The following SMU1 variants were observed in gnomAD, a reference collection of about 807,000 sequenced individuals.
SMU1 encodes the protein WD40 repeat-containing protein SMU1.
Under a neutral mutation model 62.0 loss-of-function variants are expected in SMU1, and 2 were observed. The observed-to-expected ratio is 0.03, with a 90% CI of 0.01 to 0.10. The LOEUF is 0.10. SMU1 is among the 10% of genes least tolerant of loss of function. The probability of loss-of-function intolerance (pLI) is 1.00; values close to 1 mark genes in which losing one functional copy is unlikely to be tolerated. For synonymous variants in SMU1, 188 were observed against 212.4 expected, an observed-to-expected ratio of 0.89 and a Z score of 1.00; for missense variants, 227 against 622.1, an observed-to-expected ratio of 0.36 and a Z score of 6.76.
At position 33,041,925 on chromosome 9, in the gene SMU1, C is replaced by T. The variant is rs1839130317; in HGVS notation, c.*5368G>A. ...CAAATGCATTGAGGCAGAAACAGTA[C>T]CAAAGGCTGAGGGGAAGGGAAGGAG... On this transcript the variant is annotated 3_prime_UTR_variant, in exon 12 of 12. Coordinates refer to ENST00000397149, the MANE Select transcript of SMU1 (RefSeq NM_018225.3). 1 of 152,036 alleles carries T rather than the reference C, an allele frequency of 6.6e-6. No homozygotes were observed. The allele number at this position is 152,036 out of a possible 1,614,324, so 9.4% of individuals were successfully genotyped here.
At chr9:33,053,360 A>G (rs1006014856) in intron 9 of SMU1, 70 bp from the exon 10 acceptor site, 2 of 1,407,544 alleles carry the variant, frequency 1.4e-6, no homozygotes, top group African/African-American at 2.9e-5. Context: ...AGGGTTTAAA[A>G]TATTAACAGT....
intron 4 of SMU1, among the ~76,000 whole-genome samples, chr9:33,064,620 T>C (rs906490265): frequency 1.3e-5 from 2 of 152,232 alleles, no homozygotes; most frequent in African/African-American, 4.8e-5. Flanking sequence ...TTGCAACAGA[T>C]GTTCTTGTGT....
chr9:33,065,448 T>C (rs1839408858), intron 4 of SMU1, among the ~76,000 whole-genome samples: 1 of 151,866 alleles, frequency 6.6e-6, no homozygotes, highest in African/African-American at 2.4e-5. Flanking sequence ...AATTAAGGAA[T>C]AAAAAAGATA....
rs139504453 is a variant in SMU1 at position 33,065,545 on chromosome 9, G to A, written c.501+3279C>T. Among the ~76,000 whole-genome samples the A allele has an allele frequency of 6.9e-3, 1,055 of 152,208 alleles. 12 individuals are homozygous for A. The highest frequency in any genetic ancestry group is 0.034 in the Middle Eastern group (10 of 294). On this transcript the variant is annotated intron_variant, in intron 4 of 11. Coordinates refer to ENST00000397149, the MANE Select transcript of SMU1 (RefSeq NM_018225.3). The stretch of plus-strand genomic sequence containing the variant: ...GAAGGTGAAAAGTGAATGGACTAGT[G>A]GAAACCAAAAACAGAGAAAACCGAA...
intron 9 of SMU1, among the ~76,000 whole-genome samples, chr9:33,055,840 G>A (rs373286114): frequency 3.4e-4 from 51 of 152,098 alleles, no homozygotes; most frequent in African/African-American, 1.2e-3. Flanking sequence ...CTGTGAATGG[G>A]GGATGGCTTA....
intron 9 of SMU1, among the ~76,000 whole-genome samples, chr9:33,053,832 C>T (rs1839276098): frequency 1.3e-5 from 2 of 152,208 alleles, no homozygotes; most frequent in South Asian, 4.1e-4. Context: ...ATTGGCAAAG[C>T]CAAAGTCACA....
intron 4 of SMU1, 103 bp from the exon 5 acceptor site, chr9:33,062,280 T>A: frequency 6.8e-7 from 1 of 1,469,824 alleles, no homozygotes. Flanking sequence ...CAGAGAAAGC[T>A]GTGAGCCATC....
At chr9:33,069,282 C>T (rs527497851) in intron 3 of SMU1, among the ~76,000 whole-genome samples, 1 of 152,186 alleles carries the variant, frequency 6.6e-6, no homozygotes, top group South Asian at 2.1e-4. Context: ...GAAAAATTTG[C>T]AGAACCAAGA....
At chr9:33,049,788 A>ACACACACACACAC (rs1564019330) in intron 10 of SMU1, among the ~76,000 whole-genome samples, 19 of 150,944 alleles carry the variant, frequency 1.3e-4, no homozygotes, top group South Asian at 2.1e-4. Flanking sequence ...ACACACACAC[A>ACACACACACACAC]AAAGTCGGGC....
intron 4 of SMU1, among the ~76,000 whole-genome samples, chr9:33,066,661 C>T (rs1839424001): frequency 6.6e-6 from 1 of 152,004 alleles, no homozygotes; most frequent in South Asian, 2.1e-4. Context: ...CAAAAATTAG[C>T]TGGGCATGGT....
intron 4 of SMU1, among the ~76,000 whole-genome samples, chr9:33,062,636 T>C (rs558786761): frequency 3.3e-5 from 5 of 152,342 alleles, no homozygotes; most frequent in African/African-American, 1.2e-4. Context: ...GTCACAGCTA[T>C]CATTTTAATG....
At position 33,043,192 on chromosome 9, in the gene SMU1, T is replaced by G. The variant is rs1839144628; in HGVS notation, c.*4101A>C. ...CTTCCTCACTTGGACATACACTTCA[T>G]AGCAATTTCTTCTCTTAAAATAGTG... is the stretch of plus-strand genomic sequence containing the variant. On this transcript the variant is annotated 3_prime_UTR_variant, in exon 12 of 12. Transcript: ENST00000397149. 1 of 152,200 alleles carries G rather than the reference T, an allele frequency of 6.6e-6. No homozygotes were observed. Among genetic ancestry groups the G allele is most frequent in the Non-Finnish European group, 1.5e-5 (1 of 68,038 alleles). 9.4% of individuals were successfully genotyped at this position (152,200 alleles called of 1,614,324 possible).
intron 10 of SMU1, among the ~76,000 whole-genome samples, chr9:33,049,046 C>T (rs1587705603): frequency 6.6e-6 from 1 of 152,290 alleles, no homozygotes; most frequent in Non-Finnish European, 1.5e-5. Context: ...CAGTTCTTCC[C>T]AACTTAATCT....
chr9:33,057,785 A>G, intron 6 of SMU1, 71 bp from the exon 7 acceptor site: 1 of 1,592,768 alleles, frequency 6.3e-7, no homozygotes, highest in Non-Finnish European at 8.5e-7. Flanking sequence ...CAAACTCACA[A>G]AAACCAGGGG....
intron 2 of SMU1, among the ~76,000 whole-genome samples, chr9:33,072,236 C>T (rs905284046): frequency 4.6e-5 from 7 of 152,096 alleles, no homozygotes; most frequent in Non-Finnish European, 1.0e-4. Flanking sequence ...ACTTGGGAGG[C>T]TGAGGCAGGA....
intron 10 of SMU1, among the ~76,000 whole-genome samples, chr9:33,051,333 G>A (rs183377046): frequency 6.6e-5 from 10 of 152,190 alleles, no homozygotes; most frequent in African/African-American, 2.2e-4. Context: ...GAACAGAAAG[G>A]GCACAGAGAA....
intron 5 of SMU1, 93 bp downstream of exon 5, chr9:33,061,956 C>T (rs1162831116): frequency 7.3e-7 from 1 of 1,361,222 alleles, no homozygotes; most frequent in African/African-American, 1.5e-5. Flanking sequence ...TTCTCCCCCT[C>T]AATTATCCAA....
rs1420566386 is a variant in SMU1 at position 33,053,375 on chromosome 9, T to TA, written c.1123-86dup. On this transcript the variant is annotated intron_variant, in intron 9 of 11. Coordinates refer to ENST00000397149, the MANE Select transcript of SMU1 (RefSeq NM_018225.3). ...AGGGTTTAAAATATTAACAGTTTAC[T>TA]AAAAAAGAATAGAAATGATTCAGGG... The TA allele has an allele frequency of 3.8e-6, 5 of 1,312,006 alleles. No homozygotes were observed. The African/African-American group carries it at 6.0e-5, about 16-fold the overall frequency. The allele number at this position is 1,312,006 out of a possible 1,614,324, so 81.3% of individuals were successfully genotyped here. A position where few individuals can be genotyped will look rare whatever the true frequency, so the allele number is the denominator to read the frequency against.
In SMU1 at chr9:33,056,748, T is replaced by C. The variant is rs1174540584; in HGVS notation, c.995+89A>G. On this transcript the variant is annotated intron_variant, in intron 8 of 11. Transcript: ENST00000397149. Reference sequence around the variant, plus strand: ...TCACATCATCATGGTAAAAGCATCATGGTAAAAGCGTAAGGAATCACTAGT... The same window carrying C: ...TCACATCATCATGGTAAAAGCATCACGGTAAAAGCGTAAGGAATCACTAGT... The C allele has an allele frequency of 7.9e-6, 11 of 1,390,974 alleles. No individual in the cohort carries two copies. In the Admixed American group the frequency reaches 1.4e-4, roughly 18 times the overall value. 86.2% of individuals were successfully genotyped at this position (1,390,974 alleles called of 1,614,324 possible). A position where few individuals can be genotyped will look rare whatever the true frequency, so the allele number is the denominator to read the frequency against.
Sources: allele counts gnomAD v4.1 joint callset (sites outside exome capture counted in the v4.1 genomes callset), GRCh38; gene constraint gnomAD v4.1.1; transcripts MANE v1.5; gene names NCBI Gene and HGNC (gene_info 2026-07-23, HGNC 2026-07-21).